Variants in KCNB2 observed in about 807,000 individuals in gnomAD.
KCNB2 encodes potassium voltage-gated channel subfamily B member 2, also known as delayed rectifier potassium channel protein.
A neutral mutation model predicts 61.5 loss-of-function variants in KCNB2; 15 were observed. The ratio of observed to expected loss-of-function variants is 0.24; its 90% confidence interval spans 0.16 to 0.38. The LOEUF (loss-of-function observed/expected upper bound fraction) is 0.38, where lower values mean the gene tolerates loss of function less well. KCNB2 is among the 10% of genes least tolerant of loss of function. The probability of loss-of-function intolerance (pLI) is 1.00; values close to 1 mark genes in which losing one functional copy is unlikely to be tolerated. For synonymous variants in KCNB2, 457 were observed against 446.0 expected, an observed-to-expected ratio of 1.02 and a Z score of -0.31; for missense variants, 828 against 1,125.2, an observed-to-expected ratio of 0.74 and a Z score of 3.78.
chr8:72,642,387 T>C, intron 2 of KCNB2, among the ~76,000 whole-genome samples: 1 of 152,130 alleles, frequency 6.6e-6, no homozygotes, highest in East Asian at 1.9e-4. Context: ...CATATGTGGC[T>C]TCTATTGAAT....
chr8:72,692,963 T>C (rs1432072408), intron 2 of KCNB2, among the ~76,000 whole-genome samples: 3 of 152,018 alleles, frequency 2.0e-5, no homozygotes, highest in Non-Finnish European at 2.9e-5. Flanking sequence ...ATGAGTTTTG[T>C]TTTGTTTTGT....
At chr8:72,933,144 GAATGTGTCCTA>G (rs1235676211) in intron 2 of KCNB2, among the ~76,000 whole-genome samples, 4 of 152,216 alleles carry the variant, frequency 2.6e-5, no homozygotes, top group African/African-American at 4.8e-5. Flanking sequence ...TTGTCTTCAA[GAATGTGTCCTA>G]AATCCTGTTC....
At chr8:72,590,672 C>G (rs1256226394) in intron 2 of KCNB2, among the ~76,000 whole-genome samples, 1 of 152,116 alleles carries the variant, frequency 6.6e-6, no homozygotes, top group African/African-American at 2.4e-5. Flanking sequence ...AGAGGTAACA[C>G]TAGCATTTCA....
At chr8:72,830,793 T>A (rs999355627) in intron 2 of KCNB2, among the ~76,000 whole-genome samples, 3 of 152,198 alleles carry the variant, frequency 2.0e-5, no homozygotes, top group African/African-American at 7.2e-5. Context: ...CCAGGTGACA[T>A]CTTTTATCTC....
chr8:72,824,887 G>C (rs1809571943), intron 2 of KCNB2, among the ~76,000 whole-genome samples: 1 of 152,154 alleles, frequency 6.6e-6, no homozygotes, highest in South Asian at 2.1e-4. Context: ...AAAAAATGGT[G>C]GTAAAATATA....
chr8:72,873,472 TA>T (rs780297538), intron 2 of KCNB2, among the ~76,000 whole-genome samples: 83 of 152,328 alleles, frequency 5.4e-4, no homozygotes, highest in Middle Eastern at 3.4e-3. Context: ...ATAATTAGAA[TA>T]GTGAAAGCAG....
chr8:72,662,643 A>T (rs944238967), intron 2 of KCNB2, among the ~76,000 whole-genome samples: 2 of 152,032 alleles, frequency 1.3e-5, no homozygotes, highest in African/African-American at 4.8e-5. Flanking sequence ...TTCTTGAGTA[A>T]ATATTTCATT....
intron 2 of KCNB2, among the ~76,000 whole-genome samples, chr8:72,662,119 C>A (rs1045909758): frequency 6.6e-6 from 1 of 152,158 alleles, no homozygotes; most frequent in African/African-American, 2.4e-5. Flanking sequence ...AAACATCCTA[C>A]CATGACTATC....
At position 72,867,273 on chromosome 8, in the gene KCNB2, C is replaced by G. The variant is rs113900647; in HGVS notation, c.580-68662C>G. ...GCTTGATATGAGAAATCAGGTAGCT[C>G]CAGATGTGAATATTTACTCATTTAT... is the stretch of plus-strand genomic sequence containing the variant. On this transcript the variant is annotated intron_variant, in intron 2 of 2. Transcript: ENST00000523207. 2.6e-3 allele frequency among the ~76,000 whole-genome samples: 390 copies of G among 152,218 alleles called. 2 individuals carry two copies. Among genetic ancestry groups the G allele is most frequent in the African/African-American group, 8.9e-3 (370 of 41,512 alleles).
intron 2 of KCNB2, among the ~76,000 whole-genome samples, chr8:72,632,380 T>C (rs1805896026): frequency 6.6e-6 from 1 of 152,216 alleles, no homozygotes; most frequent in Admixed American, 6.5e-5. Flanking sequence ...CTCACTCATT[T>C]GCATATTTTC....
chr8:72,851,840 A>AAAACACAAAAC (rs1554539000), intron 2 of KCNB2, among the ~76,000 whole-genome samples: 2 of 134,462 alleles, frequency 1.5e-5, no homozygotes, highest in Non-Finnish European at 3.1e-5. Flanking sequence ...AAAAAAAAAA[A>AAAACACAAAAC]AAAAAAAACA....
Position 72,915,827 on chromosome 8 carries a change from G to A in KCNB2, c.580-20108G>A, listed in dbSNP as rs527401984. 4.6e-5 allele frequency among the ~76,000 whole-genome samples: 7 copies of A among 152,302 alleles called. No individual in the cohort carries two copies. The South Asian group carries it at 1.0e-3, about 23-fold the overall frequency. ...CCAGCTACTCAGGAGGCTGAGGCAG[G>A]AGAATGGCATGAACCCGGGAGGCGG... On this transcript the variant is annotated intron_variant, in intron 2 of 2. Transcript: ENST00000523207.
At chr8:72,666,234 G>A (rs559050659) in intron 2 of KCNB2, among the ~76,000 whole-genome samples, 1 of 152,250 alleles carries the variant, frequency 6.6e-6, no homozygotes, top group African/African-American at 2.4e-5. Flanking sequence ...TCTGGTAGGC[G>A]TTATTTTCTC....
chr8:72,844,458 A>G (rs201713638), intron 2 of KCNB2, among the ~76,000 whole-genome samples: 1 of 151,998 alleles, frequency 6.6e-6, no homozygotes, highest in Non-Finnish European at 1.5e-5. Context: ...AGTGTTCTCT[A>G]TATTTCCTGA....
At chr8:72,826,755 G>T (rs1247568914) in intron 2 of KCNB2, among the ~76,000 whole-genome samples, 1 of 152,178 alleles carries the variant, frequency 6.6e-6, no homozygotes, top group African/African-American at 2.4e-5. Context: ...ATTTTGAAAA[G>T]AACTAATTTC....
chr8:72,902,328 G>A (rs1806105147), intron 2 of KCNB2, among the ~76,000 whole-genome samples: 2 of 152,186 alleles, frequency 1.3e-5, no homozygotes. Context: ...GTTGTGGATG[G>A]AGAGTGAAGG....
At chr8:72,583,700 G>T (rs1381251240) in intron 2 of KCNB2, among the ~76,000 whole-genome samples, 1 of 152,080 alleles carries the variant, frequency 6.6e-6, no homozygotes, top group Non-Finnish European at 1.5e-5. Context: ...AAATTGAAAA[G>T]ATGAACCCAG....
intron 2 of KCNB2, among the ~76,000 whole-genome samples, chr8:72,632,211 A>C (rs1805892886): frequency 6.6e-6 from 1 of 152,134 alleles, no homozygotes; most frequent in African/African-American, 2.4e-5. Flanking sequence ...TTACTACAGC[A>C]CTCCAGCCTG....
intron 2 of KCNB2, among the ~76,000 whole-genome samples, chr8:72,911,046 C>G (rs903861072): frequency 1.3e-5 from 2 of 150,392 alleles, no homozygotes; most frequent in Non-Finnish European, 3.0e-5. Flanking sequence ...ATTCTGTTCT[C>G]AAGGCTTTTT....
Sources: gnomAD v4.1 joint callset for allele counts (sites outside exome capture counted in the v4.1 genomes callset) on GRCh38, gnomAD v4.1.1 for gene constraint, MANE v1.5 for transcripts, NCBI Gene and HGNC (gene_info 2026-07-23, HGNC 2026-07-21) for gene names.